SLAIN2: variants seen among roughly 807,000 people sequenced by gnomAD.
SLAIN2 encodes SLAIN family member 2.
SLAIN2 carries 31 observed loss-of-function variants against 56.6 expected under a neutral mutation model. The ratio of observed to expected loss-of-function variants is 0.55; its 90% CI spans 0.41 to 0.74. The LOEUF is 0.74. Ranked by LOEUF, SLAIN2 falls within the 30% of genes least tolerant of loss-of-function variation. The probability of loss-of-function intolerance (pLI) is 0.00; values close to 1 mark genes in which losing one functional copy is unlikely to be tolerated. For missense variants in SLAIN2, 777 were observed against 754.2 expected, an observed-to-expected ratio of 1.03 and a Z score of -0.35; for synonymous variants, 317 against 284.9, an observed-to-expected ratio of 1.11 and a Z score of -1.13.
chr4:48,372,888 T>G (rs78392914), intron 2 of SLAIN2, among the ~76,000 whole-genome samples: 3,394 of 149,740 alleles, frequency 0.023, 133 homozygotes, highest in African/African-American at 0.078. Flanking sequence ...AAGGAGATTG[T>G]TTTTTTTTTA....
chr4:48,352,681 A>G (rs1715043373), intron 1 of SLAIN2, among the ~76,000 whole-genome samples: 1 of 152,228 alleles, frequency 6.6e-6, no homozygotes, highest in African/African-American at 2.4e-5. Flanking sequence ...GCCTTAAAGG[A>G]TACTTATGGT....
intron 6 of SLAIN2, among the ~76,000 whole-genome samples, chr4:48,390,193 G>A (rs1179902615): frequency 6.6e-6 from 1 of 150,414 alleles, no homozygotes; most frequent in East Asian, 2.0e-4. Flanking sequence ...CCCTGCCTCA[G>A]CCTCCCTCTT....
intron 1 of SLAIN2, among the ~76,000 whole-genome samples, chr4:48,363,150 C>T (rs1455899898): frequency 2.4e-5 from 1 of 41,044 alleles, no homozygotes; most frequent in Admixed American, 2.3e-4. Flanking sequence ...AAAAGTCTCC[C>T]ATGTCTACTT....
In SLAIN2 at chr4:48,341,652, G is replaced by C. The variant is rs555096022; in HGVS notation, c.-88G>C. On this transcript the variant is annotated 5_prime_UTR_variant, in exon 1 of 8. Transcript: ENST00000264313. Reference sequence around the variant, plus strand: ...TATGCCGGCGCCTCGGCTAGAGTGAGCGGCGGCGACGCCTCTTTCCTCCGT... The same window carrying C: ...TATGCCGGCGCCTCGGCTAGAGTGACCGGCGGCGACGCCTCTTTCCTCCGT... The C allele has an allele frequency of 1.8e-5, 27 of 1,475,254 alleles. No homozygotes were observed. The highest frequency in any genetic ancestry group is 2.2e-5 in the Non-Finnish European group (24 of 1,112,980). The allele number at this position is 1,475,254 out of a possible 1,614,324, so 91.4% of individuals were successfully genotyped here. A position where few individuals can be genotyped will look rare whatever the true frequency, so the allele number is the denominator to read the frequency against.
intron 2 of SLAIN2, among the ~76,000 whole-genome samples, chr4:48,374,651 A>T (rs1240393937): frequency 6.6e-6 from 1 of 152,196 alleles, no homozygotes; most frequent in Admixed American, 6.5e-5. Context: ...TGGAAAGGTT[A>T]TTCTAGTAGT....
intron 6 of SLAIN2, among the ~76,000 whole-genome samples, chr4:48,412,413 CACAT>C (rs1180828887): frequency 0.097 from 3,765 of 38,930 alleles, 191 homozygotes; most frequent in South Asian, 0.21. Context: ...CACACACACA[CACAT>C]TCCCTCTCTC....
intron 1 of SLAIN2, among the ~76,000 whole-genome samples, chr4:48,364,245 G>A (rs1364767612): frequency 1.1e-4 from 9 of 82,310 alleles, no homozygotes; most frequent in Admixed American, 3.3e-4. Context: ...ATGGGGCGGC[G>A]GGGCAGAGGC....
chr4:48,421,917 C>T, intron 7 of SLAIN2, 94 bp from the exon 8 acceptor site: 2 of 1,034,664 alleles, frequency 1.9e-6, no homozygotes, highest in East Asian at 2.6e-5. Context: ...ATCGTGATGC[C>T]ACCTGAAGAG....
intron 1 of SLAIN2, among the ~76,000 whole-genome samples, chr4:48,345,349 A>G (rs531183866): frequency 6.6e-6 from 1 of 152,282 alleles, no homozygotes; most frequent in African/African-American, 2.4e-5. Context: ...TCCTTAGATA[A>G]TGTAATTCTC....
At chr4:48,416,352 CTCT>C (rs1476235707) in intron 6 of SLAIN2, among the ~76,000 whole-genome samples, 1 of 92,586 alleles carries the variant, frequency 1.1e-5, no homozygotes, top group Non-Finnish European at 2.2e-5. Context: ...CATGATTTGG[CTCT>C]CTGTTTGTCT....
At chr4:48,395,156 A>G (rs1189029203) in intron 6 of SLAIN2, among the ~76,000 whole-genome samples, 2 of 152,204 alleles carry the variant, frequency 1.3e-5, no homozygotes, top group African/African-American at 4.8e-5. Flanking sequence ...GAAGAAATAT[A>G]TGAAGGTCGG....
intron 6 of SLAIN2, among the ~76,000 whole-genome samples, chr4:48,391,941 G>T (rs1216776621): frequency 6.6e-6 from 1 of 152,170 alleles, no homozygotes; most frequent in Non-Finnish European, 1.5e-5. Flanking sequence ...TAGCATCTTT[G>T]CTTCTCACAG....
rs375358465 is a variant in SLAIN2, at chr4:48,341,861, C to T, written c.122C>T (p.Ala41Val). 5.3e-6 allele frequency: 8 copies of T among 1,520,922 alleles called. No individual in the cohort carries two copies. The highest frequency in any genetic ancestry group is 2.3e-4 in the Middle Eastern group (1 of 4,334). 94.2% of individuals were successfully genotyped at this position (1,520,922 alleles called of 1,614,324 possible). A position where few individuals can be genotyped will look rare whatever the true frequency, so the allele number is the denominator to read the frequency against. ...LRSRSGAVQG[A>V]GSLGPGSPVR... ...AGCCGCTCGGGGGCCGTGCAGGGCG[C>T]CGGCTCCCTTGGGCCCGGCAGCCCG... Residue 41 changes from alanine (A) to valine (V), a missense_variant, in exon 1 of 8, where the codon GCC becomes GTC. Physicochemically the swap from Ala to Val is moderately conservative, Grantham distance 64 (BLOSUM62 0). Transcript: ENST00000264313.
chr4:48,386,228 G>C (rs1440644821), intron 6 of SLAIN2, among the ~76,000 whole-genome samples: 1 of 151,828 alleles, frequency 6.6e-6, no homozygotes, highest in African/African-American at 2.4e-5. Flanking sequence ...ACTGTATTTA[G>C]ATGCATAATC....
At chr4:48,352,227 C>T (rs1715032191) in intron 1 of SLAIN2, among the ~76,000 whole-genome samples, 1 of 152,172 alleles carries the variant, frequency 6.6e-6, no homozygotes, top group South Asian at 2.1e-4. Context: ...TTTGTGTCCA[C>T]CTCTTCTGCC....
At chr4:48,398,954 C>G (rs1420290791) in intron 6 of SLAIN2, among the ~76,000 whole-genome samples, 1 of 152,132 alleles carries the variant, frequency 6.6e-6, no homozygotes, top group African/African-American at 2.4e-5. Flanking sequence ...GTTCTTTTTG[C>G]TTAGGATTGT....
In SLAIN2 at chr4:48,412,725, A is replaced by G. The variant is rs1020484315; in HGVS notation, c.1361-7400A>G. Among the ~76,000 whole-genome samples the G allele has an allele frequency of 3.0e-4, 45 of 152,264 alleles. No individual in the cohort carries two copies. In the Middle Eastern group the frequency reaches 0.014, roughly 46 times the overall value. Reference sequence around the variant, plus strand: ...CATCTTACATTTAATAAATTTTTCTAATAACTAACAATTTTTGTATGCTTA... The same window carrying G: ...CATCTTACATTTAATAAATTTTTCTGATAACTAACAATTTTTGTATGCTTA... On this transcript the variant is annotated intron_variant, in intron 6 of 7. Coordinates refer to ENST00000264313, the MANE Select transcript of SLAIN2 (RefSeq NM_020846.2).
At chr4:48,376,460 A>G (rs1398986459) in intron 2 of SLAIN2, among the ~76,000 whole-genome samples, 2 of 45,904 alleles carry the variant, frequency 4.4e-5, no homozygotes, top group African/African-American at 1.4e-4. Flanking sequence ...CTCAGAGAAA[A>G]AAAAAAAAAA....
intron 6 of SLAIN2, among the ~76,000 whole-genome samples, chr4:48,390,822 T>C (rs1716221449): frequency 1.3e-5 from 2 of 152,234 alleles, no homozygotes; most frequent in South Asian, 4.1e-4. Context: ...TAGTACATCA[T>C]AGCCAGATTT....
Sources: gnomAD v4.1 joint callset for allele counts (sites outside exome capture counted in the v4.1 genomes callset) on GRCh38, gnomAD v4.1.1 for gene constraint, MANE v1.5 for transcripts, NCBI Gene and HGNC (gene_info 2026-07-23, HGNC 2026-07-21) for gene names.